Variants in LINGO1 observed in about 807,000 individuals in gnomAD.
LINGO1 encodes the protein leucine rich repeat and Ig domain containing 1, also known as leucine-rich repeat and immunoglobulin-like domain-containing nogo receptor-interacting protein 1.
In LINGO1, 11 loss-of-function variants were observed where a neutral mutation model predicts 37.3. The observed-to-expected ratio is 0.29, with a 90% confidence interval of 0.19 to 0.49. The LOEUF is 0.49. Among genes scored for constraint, LINGO1 ranks in the 20% least tolerant of loss-of-function variants. LINGO1 has a pLI of 0.99. For missense variants in LINGO1, 585 were observed against 878.2 expected (o/e 0.67, Z 4.22); for synonymous variants, 387 against 403.0 (o/e 0.96, Z 0.48).
chr15:77,644,778 G>A (rs2074586977), intron 3 of LINGO1, among the ~76,000 whole-genome samples: 1 of 152,222 alleles, frequency 6.6e-6, no homozygotes. Context: ...GCTAAGAGGG[G>A]TGAGGTAAGT....
chr15:77,808,142 T>G (rs78419412), intron 1 of LINGO1, among the ~76,000 whole-genome samples: 1 of 151,836 alleles, frequency 6.6e-6, no homozygotes, highest in African/African-American at 2.4e-5. Flanking sequence ...AGATCCATTC[T>G]GTAAACCTCA....
chr15:77,709,191 A>C (rs1257040483), intron 2 of LINGO1, among the ~76,000 whole-genome samples: 1 of 152,172 alleles, frequency 6.6e-6, no homozygotes, highest in Admixed American at 6.5e-5. Flanking sequence ...GCTCTAAAAA[A>C]CTAATACAAT....
chr15:77,781,312 T>C lies in LINGO1; in HGVS notation c.-257+5557A>G, dbSNP rs1402741387. On this transcript the variant is annotated intron_variant, in intron 1 of 3. Coordinates refer to the LINGO1 transcript ENST00000561686. ...CAGGCCGGAGCCAGCCAGGAATCAA[T>C]GTGCAAAAGCCTCCCTCTCACCCAG... Among the ~76,000 whole-genome samples, 6 of 152,258 alleles carry C rather than the reference T, an allele frequency of 3.9e-5. No homozygotes were observed. In the East Asian group the frequency reaches 7.7e-4, roughly 20 times the overall value.
chr15:77,677,388 C>T (rs2075346029), intron 2 of LINGO1, among the ~76,000 whole-genome samples: 1 of 152,112 alleles, frequency 6.6e-6, no homozygotes, highest in Admixed American at 6.5e-5. Context: ...GGATCACACC[C>T]TCAGGAGCAT....
At chr15:77,753,818 G>C (rs1237965804) in intron 1 of LINGO1, among the ~76,000 whole-genome samples, 1 of 152,226 alleles carries the variant, frequency 6.6e-6, no homozygotes, top group Admixed American at 6.5e-5. Flanking sequence ...TTACAGGCGT[G>C]AAGTTTGCAA....
At chr15:77,641,689 G>A (rs765205433) in intron 3 of LINGO1, 11 of 366,994 alleles carry the variant, frequency 3.0e-5, no homozygotes, top group African/African-American at 8.5e-5. Context: ...CCCACACCCC[G>A]TCTCCCACCA....
rs140914739 is a variant in LINGO1 at position 77,614,714 on chromosome 15, G to A, written c.1193C>T (p.Thr398Met). ...NFNRQQPTCA[T>M]PEFVQGKEFK... ...CTCCTTGCCCTGGACAAACTCGGGC[G>A]TGGCGCACGTGGGCTGCTGCCGGTT... Residue 398 changes from threonine (T) to methionine (M), a missense_variant, in exon 2 of 2, where the codon ACG becomes ATG. Thr to Met is a moderately conservative substitution (Grantham distance 81). This residue lies in a region of LINGO1 where 484 missense variants were observed against 735.0 expected (regional missense o/e 0.66). Coordinates refer to ENST00000355300, the MANE Select transcript of LINGO1 (RefSeq NM_032808.7). 7 of 1,607,616 alleles carry A rather than the reference G, an allele frequency of 4.4e-6. No homozygotes were observed. Among genetic ancestry groups the A allele is most frequent in the East Asian group, 2.2e-5 (1 of 44,520 alleles).
intron 1 of LINGO1, among the ~76,000 whole-genome samples, chr15:77,811,819 G>GA (rs1288310069): frequency 6.6e-6 from 1 of 152,038 alleles, no homozygotes; most frequent in South Asian, 2.1e-4. Context: ...AAATACTCTG[G>GA]AAAAAACAGA....
intron 1 of LINGO1, among the ~76,000 whole-genome samples, chr15:77,631,543 A>G (rs1219598600): frequency 6.6e-6 from 1 of 151,972 alleles, no homozygotes; most frequent in Non-Finnish European, 1.5e-5. Flanking sequence ...ATGCCTTGAG[A>G]GCAGAGAGCC....
intron 1 of LINGO1, among the ~76,000 whole-genome samples, chr15:77,628,089 G>GGGAC (rs1236298999): frequency 1.3e-5 from 2 of 152,156 alleles, no homozygotes; most frequent in East Asian, 3.9e-4. Context: ...GGGTGCAATG[G>GGGAC]GGACACTCAT....
At chr15:77,664,481 C>T (rs1471542815) in intron 3 of LINGO1, among the ~76,000 whole-genome samples, 3 of 152,068 alleles carry the variant, frequency 2.0e-5, no homozygotes, top group African/African-American at 7.2e-5. Flanking sequence ...TTCGAGGCAA[C>T]GTCCCATAGG....
chr15:77,665,877 A>T (rs2075118449), intron 3 of LINGO1, among the ~76,000 whole-genome samples: 1 of 152,148 alleles, frequency 6.6e-6, no homozygotes, highest in Non-Finnish European at 1.5e-5. Context: ...GAATCCATTC[A>T]AGTGTTTGCT....
At chr15:77,630,834 C>T (rs766624397) in intron 1 of LINGO1, among the ~76,000 whole-genome samples, 25 of 152,198 alleles carry the variant, frequency 1.6e-4, no homozygotes, top group Non-Finnish European at 3.1e-4. Context: ...CGATGTGAGT[C>T]TGTGCCCTCT....
chr15:77,736,084 TGTAGA>T (rs1396273615), intron 1 of LINGO1, among the ~76,000 whole-genome samples: 9 of 152,338 alleles, frequency 5.9e-5, no homozygotes, highest in South Asian at 2.1e-4. Context: ...TACAGTAGTC[TGTAGA>T]GTAAACACTC....
intron 1 of LINGO1, among the ~76,000 whole-genome samples, chr15:77,756,693 G>A (rs58723442): frequency 0.033 from 4,971 of 152,250 alleles, 263 homozygotes; most frequent in African/African-American, 0.11. Context: ...CATTTTCATC[G>A]CAGTGTTAAG....
At chr15:77,800,795 T>C (rs72730738) in intron 1 of LINGO1, among the ~76,000 whole-genome samples, 3,706 of 151,806 alleles carry the variant, frequency 0.024, 68 homozygotes, top group Non-Finnish European at 0.04. Context: ...TGGAAGAAAA[T>C]GTCGCTAATA....
intron 3 of LINGO1, among the ~76,000 whole-genome samples, chr15:77,674,930 T>G (rs1465922816): frequency 6.6e-6 from 1 of 152,030 alleles, no homozygotes; most frequent in Non-Finnish European, 1.5e-5. Context: ...TGACACATAG[T>G]AGGTGCTCAG....
intron 2 of LINGO1, among the ~76,000 whole-genome samples, chr15:77,794,689 G>A (rs1046852990): frequency 2.7e-5 from 4 of 149,888 alleles, no homozygotes; most frequent in Admixed American, 6.7e-5. Flanking sequence ...CCGGGTTCAC[G>A]CCATTCTCCT....
At chr15:77,666,916 T>G (rs2141190632) in intron 3 of LINGO1, 1 of 152,298 alleles carries the variant, frequency 6.6e-6, no homozygotes, top group South Asian at 2.1e-4. Flanking sequence ...GCTGAGGAAC[T>G]CAGCCTCTCT....
Sources: gnomAD v4.1 joint callset for allele counts (sites outside exome capture counted in the v4.1 genomes callset) on GRCh38, gnomAD v4.1.1 for gene constraint, gnomAD v4.1.1 regional missense constraint, MANE v1.5 for transcripts, NCBI Gene and HGNC (gene_info 2026-07-23, HGNC 2026-07-21) for gene names.